Variants in OPCML observed in about 807,000 individuals in gnomAD.
The protein encoded by OPCML is opioid-binding protein/cell adhesion molecule.
A neutral mutation model predicts 37.8 loss-of-function variants in OPCML; 13 were observed. That is an observed-to-expected ratio of 0.34 (90% CI 0.22 to 0.55). The LOEUF (loss-of-function observed/expected upper bound fraction) is 0.55. Ranked by LOEUF, OPCML falls within the 20% of genes least tolerant of loss-of-function variation. The pLI is 0.91. For missense variants in OPCML, 341 were observed against 435.6 expected, an observed-to-expected ratio of 0.78 and a Z score of 1.93; for synonymous variants, 176 against 168.8, an observed-to-expected ratio of 1.04 and a Z score of -0.33.
chr11:132,662,274 A>G (rs1387119579), intron 2 of OPCML, among the ~76,000 whole-genome samples: 2 of 152,174 alleles, frequency 1.3e-5, no homozygotes, highest in East Asian at 3.9e-4. Context: ...CCTCCTGGAG[A>G]ACCACTCACT....
intron 1 of OPCML, among the ~76,000 whole-genome samples, chr11:133,518,162 T>C (rs982631815): frequency 6.6e-6 from 1 of 151,842 alleles, no homozygotes; most frequent in Admixed American, 6.6e-5. Flanking sequence ...GGGTGGTGTG[T>C]GTGGATATAG....
At chr11:133,028,819 T>C (rs1947613010) in intron 1 of OPCML, among the ~76,000 whole-genome samples, 1 of 151,252 alleles carries the variant, frequency 6.6e-6, no homozygotes. Context: ...TATGACTATG[T>C]CCTCAAAAGC....
intron 1 of OPCML, among the ~76,000 whole-genome samples, chr11:133,501,752 G>T (rs1239594174): frequency 1.3e-5 from 2 of 151,912 alleles, no homozygotes; most frequent in Non-Finnish European, 2.9e-5. Flanking sequence ...CCCCGCCCAG[G>T]GTGCACTGGC....
At chr11:132,462,496 G>T (rs1024105417) in intron 4 of OPCML, among the ~76,000 whole-genome samples, 1 of 152,158 alleles carries the variant, frequency 6.6e-6, no homozygotes, top group Non-Finnish European at 1.5e-5. Flanking sequence ...TCTGTTCATT[G>T]GTCATTCTGA....
intron 1 of OPCML, among the ~76,000 whole-genome samples, chr11:133,185,304 C>A (rs1938021588): frequency 6.6e-6 from 1 of 152,188 alleles, no homozygotes; most frequent in South Asian, 2.1e-4. Flanking sequence ...ATTTCCCACA[C>A]TAAAAGGTCT....
intron 4 of OPCML, among the ~76,000 whole-genome samples, chr11:132,506,729 A>G (rs571335824): frequency 6.6e-6 from 1 of 152,316 alleles, no homozygotes; most frequent in African/African-American, 2.4e-5. Flanking sequence ...ACTATAAAAA[A>G]TCAAATATTT....
intron 7 of OPCML, chr11:132,420,529 G>T: frequency 2.8e-6 from 1 of 361,754 alleles, no homozygotes; most frequent in Non-Finnish European, 3.8e-6. Flanking sequence ...AAGTAAATAG[G>T]TGAAGCTCAG....
intron 2 of OPCML, among the ~76,000 whole-genome samples, chr11:132,897,532 C>G (rs1433974048): frequency 2.0e-5 from 3 of 152,196 alleles, no homozygotes; most frequent in Non-Finnish European, 2.9e-5. Flanking sequence ...ACCACCTGCA[C>G]CTATGGCCTT....
intron 1 of OPCML, among the ~76,000 whole-genome samples, chr11:133,275,573 G>A (rs1941969725): frequency 1.3e-5 from 2 of 152,266 alleles, no homozygotes; most frequent in South Asian, 2.1e-4. Context: ...TGTTAACACT[G>A]TCCATCTTGC....
chr11:132,923,958 T>C (rs1282431175), intron 2 of OPCML, among the ~76,000 whole-genome samples: 4 of 151,808 alleles, frequency 2.6e-5, no homozygotes. Flanking sequence ...AGATGGAGTT[T>C]CTCCATGTTG....
intron 1 of OPCML, among the ~76,000 whole-genome samples, chr11:133,505,932 T>C (rs1015057523): frequency 5.9e-5 from 9 of 152,310 alleles, no homozygotes; most frequent in Middle Eastern, 3.4e-3. Flanking sequence ...TAGGACCTAT[T>C]GGTTAGAAGT....
chr11:133,051,574 T>A (rs1224924475), intron 1 of OPCML, among the ~76,000 whole-genome samples: 1 of 152,116 alleles, frequency 6.6e-6, no homozygotes, highest in South Asian at 2.1e-4. Context: ...CCTGCCCCAC[T>A]CCTCGGTTCA....
At chr11:133,443,509 T>A (rs753739605) in intron 1 of OPCML, among the ~76,000 whole-genome samples, 2 of 152,250 alleles carry the variant, frequency 1.3e-5, no homozygotes, top group Non-Finnish European at 1.5e-5. Context: ...TGTTGAAACA[T>A]GCGCAGCATT....
chr11:132,630,616 C>T (rs1940042689), intron 3 of OPCML, among the ~76,000 whole-genome samples: 1 of 152,048 alleles, frequency 6.6e-6, no homozygotes, highest in Non-Finnish European at 1.5e-5. Context: ...AGTAAAAAGA[C>T]TGGCAACACC....
intron 3 of OPCML, among the ~76,000 whole-genome samples, chr11:132,589,406 G>A (rs73041742): frequency 0.024 from 3,670 of 152,232 alleles, 114 homozygotes; most frequent in East Asian, 0.056. Flanking sequence ...GCCAAATACT[G>A]AGAACTAGAA....
At chr11:132,504,980 C>A (rs1405643563) in intron 4 of OPCML, among the ~76,000 whole-genome samples, 7 of 151,970 alleles carry the variant, frequency 4.6e-5, no homozygotes, top group Non-Finnish European at 1.0e-4. Flanking sequence ...CCCCCAAGCC[C>A]TAAATTATTC....
intron 3 of OPCML, among the ~76,000 whole-genome samples, chr11:132,555,652 A>G (rs2096393760): frequency 2.0e-5 from 3 of 152,266 alleles, no homozygotes; most frequent in Middle Eastern, 3.4e-3. Context: ...CAAACCCTCA[A>G]GTCTGAAGAA....
chr11:133,442,969 T>C lies in OPCML; in HGVS notation c.61+89295A>G, dbSNP rs150115975. The stretch of plus-strand genomic sequence containing the variant: ...ACTTAAACATGATACTTAATAGCAA[T>C]AGCTATTCTTTGAATCTTTTTCAAG... On this transcript the variant is annotated intron_variant, in intron 1 of 7. Transcript: ENST00000524381. Among the ~76,000 whole-genome samples the C allele has an allele frequency of 1.6e-4, 24 of 152,244 alleles. 1 individual carries two copies. Among genetic ancestry groups the C allele is most frequent in the Admixed American group, 1.0e-3 (16 of 15,296 alleles).
intron 3 of OPCML, among the ~76,000 whole-genome samples, chr11:132,606,814 A>G (rs560166810): frequency 6.6e-6 from 1 of 152,264 alleles, no homozygotes; most frequent in South Asian, 2.1e-4. Flanking sequence ...AATCCCATGG[A>G]CTTGGGGCTG....
Sources: gnomAD v4.1 joint callset for allele counts (sites outside exome capture counted in the v4.1 genomes callset) on GRCh38, gnomAD v4.1.1 for gene constraint, MANE v1.5 for transcripts, NCBI Gene and HGNC (gene_info 2026-07-23, HGNC 2026-07-21) for gene names.